NCKAP5: variants seen among roughly 807,000 people sequenced by gnomAD.
NCKAP5 encodes the protein nck-associated protein 5.
Under a neutral mutation model 167.0 loss-of-function variants are expected in NCKAP5, and 92 were observed. That is an observed-to-expected ratio of 0.55 (90% CI 0.47 to 0.66). The LOEUF is 0.66. NCKAP5 is among the 30% of genes least tolerant of loss of function. The pLI, the probability that NCKAP5 is intolerant of heterozygous loss-of-function variation, is 0.00. For missense variants in NCKAP5, 2,378 were observed against 2,315.0 expected, an observed-to-expected ratio of 1.03 and a Z score of -0.56; for synonymous variants, 891 against 877.4, an observed-to-expected ratio of 1.02 and a Z score of -0.27.
At chr2:133,107,547 G>C (rs1486767766) in intron 6 of NCKAP5, among the ~76,000 whole-genome samples, 1 of 152,098 alleles carries the variant, frequency 6.6e-6, no homozygotes, top group African/African-American at 2.4e-5. Context: ...TTGTAAAATA[G>C]CAGTCCATCT....
chr2:133,655,912 T>G, the NCKAP5 span, among the ~76,000 whole-genome samples: 10 of 152,158 alleles, frequency 6.6e-5, no homozygotes, highest in African/African-American at 2.4e-4. Flanking sequence ...GATGGTACCA[T>G]AGCAGACAGA....
chr2:133,124,891 C>T (rs192097856), intron 6 of NCKAP5, among the ~76,000 whole-genome samples: 50 of 152,166 alleles, frequency 3.3e-4, no homozygotes, highest in African/African-American at 1.2e-3. Context: ...ACCACAATTA[C>T]AAAAATTAGC....
the NCKAP5 span, among the ~76,000 whole-genome samples, chr2:133,600,375 A>G: frequency 6.6e-6 from 1 of 152,166 alleles, no homozygotes; most frequent in Non-Finnish European, 1.5e-5. Context: ...AGAAAGAGAG[A>G]GAAGTTGGCC....
intron 6 of NCKAP5, among the ~76,000 whole-genome samples, chr2:133,017,010 T>C (rs546323172): frequency 2.6e-5 from 4 of 152,360 alleles, no homozygotes; most frequent in African/African-American, 7.2e-5. Context: ...AACTGATTGA[T>C]AGGCAGTGTG....
At chr2:133,046,383 T>C (rs747214521) in intron 6 of NCKAP5, among the ~76,000 whole-genome samples, 50 of 152,102 alleles carry the variant, frequency 3.3e-4, no homozygotes, top group Non-Finnish European at 6.8e-4. Flanking sequence ...TTGTTATTTA[T>C]TATTTATTTA....
chr2:133,001,941 T>C (rs1171038600), intron 6 of NCKAP5, among the ~76,000 whole-genome samples: 1 of 152,182 alleles, frequency 6.6e-6, no homozygotes, highest in African/African-American at 2.4e-5. Context: ...GAATGAAGTG[T>C]AGGCGTCGTA....
At chr2:132,676,297 T>A (rs1225110851) in intron 19 of NCKAP5, among the ~76,000 whole-genome samples, 1 of 135,802 alleles carries the variant, frequency 7.4e-6, no homozygotes, top group East Asian at 2.1e-4. Context: ...TTTTTTTTTT[T>A]TTTTTTTTTT....
chr2:133,062,429 GA>G (rs1201279899), intron 6 of NCKAP5, among the ~76,000 whole-genome samples: 2 of 152,166 alleles, frequency 1.3e-5, no homozygotes, highest in Non-Finnish European at 2.9e-5. Flanking sequence ...ATTTTCAAAA[GA>G]ATAATACAAG....
At chr2:132,711,633 CTGAGTA>C (rs1489610870) in intron 19 of NCKAP5, among the ~76,000 whole-genome samples, 9 of 152,202 alleles carry the variant, frequency 5.9e-5, no homozygotes, top group Admixed American at 3.3e-4. Context: ...TGTTATTCTT[CTGAGTA>C]TGAGTATAGT....
chr2:132,872,719 A>G (rs1040726434), intron 9 of NCKAP5, among the ~76,000 whole-genome samples: 1 of 152,142 alleles, frequency 6.6e-6, no homozygotes, highest in Non-Finnish European at 1.5e-5. Flanking sequence ...CAACAAAGTA[A>G]CTGAAAAATC....
chr2:133,395,030 G>A (rs1393068892), intron 3 of NCKAP5, among the ~76,000 whole-genome samples: 1 of 152,194 alleles, frequency 6.6e-6, no homozygotes, highest in African/African-American at 2.4e-5. Flanking sequence ...TCCCCTAAAT[G>A]TTAGCTATTA....
Position 133,303,062 on chromosome 2 carries a change from C to G in NCKAP5, c.118G>C (p.Glu40Gln). The G allele has an allele frequency of 6.2e-7, 1 of 1,600,396 alleles. No individual in the cohort carries two copies. Residue 40 changes from glutamate (E) to glutamine (Q), a missense_variant, in exon 4 of 20, where the codon GAG (glutamate) becomes CAG (glutamine). By Grantham distance (29) the Glu-to-Gln change is conservative (BLOSUM62 2). This residue lies in a region of NCKAP5 where 1,049 missense variants were observed against 1,023.4 expected (regional missense o/e 1.02). Transcript: ENST00000409261. Reference sequence around the variant, plus strand: ...CTCCAGAGACTCCTGTGTTGCTCCTCAAGCTGAGTCAGCAGATGCTCAATG... The same window carrying G: ...CTCCAGAGACTCCTGTGTTGCTCCTGAAGCTGAGTCAGCAGATGCTCAATG... ...KYIEHLLTQL[E>Q]EQHRSLWREK...
chr2:132,898,617 G>T (rs908690724), intron 8 of NCKAP5, among the ~76,000 whole-genome samples: 2 of 152,200 alleles, frequency 1.3e-5, no homozygotes, highest in African/African-American at 4.8e-5. Flanking sequence ...TCCATGAGCT[G>T]CAGAATGAAT....
intron 19 of NCKAP5, among the ~76,000 whole-genome samples, chr2:132,681,120 G>A (rs1685169279): frequency 6.6e-6 from 1 of 152,028 alleles, no homozygotes; most frequent in East Asian, 1.9e-4. Context: ...TCTCGGTGTT[G>A]TTAGATTCCT....
At chr2:132,728,979 A>T (rs758149164) in intron 17 of NCKAP5, 27 bp from the exon 18 acceptor site, 11 of 1,610,958 alleles carry the variant, frequency 6.8e-6, no homozygotes, top group Non-Finnish European at 9.3e-6. Context: ...ATGTGGAATC[A>T]CATATCACCT....
At chr2:132,821,806 GA>G (rs1686759606) in intron 11 of NCKAP5, among the ~76,000 whole-genome samples, 1 of 152,020 alleles carries the variant, frequency 6.6e-6, no homozygotes, top group Non-Finnish European at 1.5e-5. Context: ...ATCCCCTCTG[GA>G]ACATAACCCC....
chr2:133,150,689 G>T (rs771473861), intron 5 of NCKAP5, among the ~76,000 whole-genome samples: 68 of 152,104 alleles, frequency 4.5e-4, no homozygotes, highest in Non-Finnish European at 7.2e-4. Context: ...AACCATCTGG[G>T]AGTATCTGAT....
At chr2:132,994,506 C>T (rs2077536479) in intron 6 of NCKAP5, among the ~76,000 whole-genome samples, 1 of 152,102 alleles carries the variant, frequency 6.6e-6, no homozygotes, top group Admixed American at 6.6e-5. Context: ...TCCCAATATC[C>T]CTCTTCATTT....
At chr2:132,679,760 T>A (rs1684961555) in intron 19 of NCKAP5, among the ~76,000 whole-genome samples, 1 of 152,216 alleles carries the variant, frequency 6.6e-6, no homozygotes, top group Non-Finnish European at 1.5e-5. Flanking sequence ...CCTTTTCTGA[T>A]GAACAAATCT....
Sources: allele counts gnomAD v4.1 joint callset (sites outside exome capture counted in the v4.1 genomes callset), GRCh38; gene constraint gnomAD v4.1.1; regional missense constraint gnomAD v4.1.1; transcripts MANE v1.5; gene names NCBI Gene and HGNC (gene_info 2026-07-23, HGNC 2026-07-21).